The following DNAH14 variants were observed in gnomAD, a reference collection of about 807,000 sequenced individuals.
DNAH14 encodes the protein axonemal beta dynein heavy chain 14.
A neutral mutation model predicts 520.9 loss-of-function variants in DNAH14; 478 were observed. The ratio of observed to expected loss-of-function variants is 0.92; its 90% confidence interval spans 0.85 to 0.99. The LOEUF is 0.99. Ranked by LOEUF, DNAH14 falls within the 50% of genes least tolerant of loss-of-function variation. The pLI, the probability that DNAH14 is intolerant of heterozygous loss-of-function variation, is 0.00. For missense variants in DNAH14, 4,831 were observed against 5,234.5 expected, an observed-to-expected ratio of 0.92 and a Z score of 2.38; for synonymous variants, 1,581 against 1,757.2, an observed-to-expected ratio of 0.90 and a Z score of 2.51.
intron 8 of DNAH14, among the ~76,000 whole-genome samples, chr1:224,976,153 G>T (rs1292830569): frequency 6.6e-6 from 1 of 151,944 alleles, no homozygotes; most frequent in African/African-American, 2.4e-5. Context: ...CAACTATGTG[G>T]TCAATTTTGG....
At chr1:225,107,130 G>C (rs1407265534) in intron 23 of DNAH14, among the ~76,000 whole-genome samples, 6 of 152,218 alleles carry the variant, frequency 3.9e-5, no homozygotes. Flanking sequence ...GTTGGAGTTT[G>C]CCGGAGGTCC....
At chr1:225,008,700 C>T (rs2064419735) in intron 10 of DNAH14, among the ~76,000 whole-genome samples, 1 of 150,262 alleles carries the variant, frequency 6.7e-6, no homozygotes, top group African/African-American at 2.5e-5. Context: ...GCTGGGATTA[C>T]AGGCATGAGC....
chr1:225,135,154 C>G (rs2078841855), intron 27 of DNAH14, among the ~76,000 whole-genome samples: 1 of 151,746 alleles, frequency 6.6e-6, no homozygotes, highest in African/African-American at 2.4e-5. Context: ...ATGTCTCTAT[C>G]TCCTTCAACT....
chr1:224,961,834 C>G (rs759452719), intron 4 of DNAH14, among the ~76,000 whole-genome samples: 9 of 152,018 alleles, frequency 5.9e-5, no homozygotes, highest in Non-Finnish European at 1.2e-4. Flanking sequence ...GTTGCATTGT[C>G]CTTCAGTGTT....
chr1:225,181,243 G>A (rs143523118), intron 36 of DNAH14, among the ~76,000 whole-genome samples: 14 of 152,266 alleles, frequency 9.2e-5, no homozygotes, highest in Admixed American at 7.9e-4. Context: ...GGGCACCTAG[G>A]TTGATTTCAT....
chr1:225,171,018 T>A (rs2082580982), intron 36 of DNAH14, among the ~76,000 whole-genome samples: 1 of 152,208 alleles, frequency 6.6e-6, no homozygotes, highest in African/African-American at 2.4e-5. Flanking sequence ...CCTGAATGAC[T>A]ACTGGGTACA....
chr1:225,381,444 T>G lies in DNAH14; in HGVS notation c.12942T>G (p.Phe4314Leu). ...TTTTGAAGCAAGAAATTAAACGATT[T>G]GATAAGTTATTATTTGTCATACATA... ...LTFLKQEIKR[F>L]DKLLFVIHKS... Residue 4314 changes from phenylalanine to leucine, a missense_variant, in exon 81 of 86, where the codon TTT becomes TTG. Coordinates refer to ENST00000682510, the MANE Select transcript of DNAH14 (RefSeq NM_001367479.1). The G allele has an allele frequency of 6.4e-7, 1 of 1,550,934 alleles. No individual in the cohort carries two copies. Among genetic ancestry groups the G allele is most frequent in the Middle Eastern group, 1.7e-4 (1 of 5,984 alleles).
intron 8 of DNAH14, among the ~76,000 whole-genome samples, chr1:224,988,776 G>C (rs2062832224): frequency 6.6e-6 from 1 of 152,190 alleles, no homozygotes; most frequent in Non-Finnish European, 1.5e-5. Context: ...TTCCCAAGTA[G>C]CTGGGACTAC....
chr1:225,327,875 A>G (rs1346166626), intron 64 of DNAH14, among the ~76,000 whole-genome samples: 1 of 152,130 alleles, frequency 6.6e-6, no homozygotes, highest in Admixed American at 6.5e-5. Context: ...AGACTTCAAG[A>G]CAGGTCTTTT....
At chr1:225,318,895 G>A (rs1465664741) in intron 61 of DNAH14, among the ~76,000 whole-genome samples, 1 of 152,008 alleles carries the variant, frequency 6.6e-6, no homozygotes, top group Non-Finnish European at 1.5e-5. Context: ...CAATTGTAAG[G>A]CATACCAGTA....
rs1233218293 is a variant in DNAH14, at chr1:224,955,032, A to G, written c.151A>G (p.Lys51Glu). ...LETQPAEIAE[K>E]ETLEYKTVRT... Reference sequence around the variant, plus strand: ...GACTCAACCAGCTGAAATAGCAGAAAAGGAAACATTGGAATATAAAACAGT... The same window carrying G: ...GACTCAACCAGCTGAAATAGCAGAAGAGGAAACATTGGAATATAAAACAGT... The change falls in exon 3 of 86, where the codon AAG becomes GAG. Residue 51 changes from lysine to glutamate, a missense_variant. Lys to Glu is a moderately conservative substitution (Grantham distance 56, BLOSUM62 1). Coordinates refer to ENST00000682510, the MANE Select transcript of DNAH14 (RefSeq NM_001367479.1). The G allele has an allele frequency of 1.9e-6, 3 of 1,611,992 alleles. No homozygotes were observed. The highest frequency in any genetic ancestry group is 3.3e-5 in the Admixed American group (2 of 59,942).
chr1:225,317,632 A>C (rs1023897060), intron 60 of DNAH14, among the ~76,000 whole-genome samples: 2 of 152,190 alleles, frequency 1.3e-5, no homozygotes, highest in South Asian at 2.1e-4. Context: ...AAAGAAAAAA[A>C]AAGTATAGCA....
chr1:225,050,610 C>T (rs536429386), intron 16 of DNAH14, among the ~76,000 whole-genome samples: 7 of 152,292 alleles, frequency 4.6e-5, no homozygotes, highest in African/African-American at 9.6e-5. Flanking sequence ...TACCTCATAA[C>T]GTAGGCTCGT....
At chr1:225,059,161 A>G (rs1176820035) in intron 17 of DNAH14, among the ~76,000 whole-genome samples, 1 of 152,108 alleles carries the variant, frequency 6.6e-6, no homozygotes, top group Non-Finnish European at 1.5e-5. Flanking sequence ...GTGGGAGTCT[A>G]AGTCTCTTTG....
At chr1:225,351,325 A>ATGT (rs1031221301) in intron 71 of DNAH14, among the ~76,000 whole-genome samples, 1 of 152,122 alleles carries the variant, frequency 6.6e-6, no homozygotes, top group African/African-American at 2.4e-5. Flanking sequence ...CGGGAAGCAA[A>ATGT]TGTTGCAGTG....
intron 74 of DNAH14, 129 bp from the exon 75 acceptor site, chr1:225,360,552 C>A: frequency 2.2e-6 from 2 of 900,592 alleles, no homozygotes; most frequent in East Asian, 2.7e-5. Flanking sequence ...GCTCTAATTT[C>A]AAAACCTGTA....
chr1:225,329,832 A>C (rs1184200607), intron 64 of DNAH14, among the ~76,000 whole-genome samples: 2 of 152,192 alleles, frequency 1.3e-5, no homozygotes, highest in African/African-American at 4.8e-5. Flanking sequence ...GCTTCTGCAC[A>C]GTAAAGGAAA....
chr1:224,952,534 A>G (rs2060245578), intron 1 of DNAH14, 136 bp from the exon 2 acceptor site: 1 of 439,802 alleles, frequency 2.3e-6, no homozygotes, highest in East Asian at 4.0e-5. Flanking sequence ...TACTGTATAT[A>G]AGAAACAAAG....
chr1:225,128,940 C>T (rs1361035934), intron 27 of DNAH14, among the ~76,000 whole-genome samples: 5 of 151,590 alleles, frequency 3.3e-5, no homozygotes, highest in Admixed American at 6.6e-5. Context: ...CCCAAAATCT[C>T]CTTAAGCTGA....
Sources: gnomAD v4.1 joint callset for allele counts (sites outside exome capture counted in the v4.1 genomes callset) on GRCh38, gnomAD v4.1.1 for gene constraint, MANE v1.5 for transcripts, NCBI Gene and HGNC (gene_info 2026-07-23, HGNC 2026-07-21) for gene names.